The following QRFPR variants were observed in gnomAD, a reference collection of about 807,000 sequenced individuals.
The protein encoded by QRFPR is pyroglutamylated RFamide peptide receptor.
Under a neutral mutation model 31.3 loss-of-function variants are expected in QRFPR, and 37 were observed. The ratio of observed to expected loss-of-function variants is 1.18; its 90% confidence interval spans 0.91 to 1.56. QRFPR has a LOEUF of 1.56. Among genes scored for constraint, QRFPR ranks in the 40% most tolerant of loss-of-function variants. The probability of loss-of-function intolerance (pLI) is 0.00; values close to 1 mark genes in which losing one functional copy is unlikely to be tolerated. For missense variants in QRFPR, 542 were observed against 532.5 expected, an observed-to-expected ratio of 1.02 and a Z score of -0.18; for synonymous variants, 197 against 192.0, an observed-to-expected ratio of 1.03 and a Z score of -0.22.
At chr4:121,357,812 G>A (rs546882853) in intron 1 of QRFPR, among the ~76,000 whole-genome samples, 8 of 152,316 alleles carry the variant, frequency 5.3e-5, no homozygotes, top group Non-Finnish European at 1.0e-4. Flanking sequence ...TCACTTCAAG[G>A]TCTACGTTTC....
chr4:121,336,843 G>T lies in QRFPR; in HGVS notation c.525C>A (p.Ile175=), dbSNP rs149756981. The T allele has an allele frequency of 6.2e-7, 1 of 1,614,054 alleles. No individual in the cohort carries two copies. Among genetic ancestry groups the T allele is most frequent in the Non-Finnish European group, 8.5e-7 (1 of 1,179,912 alleles). Residue 175 remains isoleucine, a synonymous_variant, in exon 3 of 6, where the codon ATC becomes ATA. Transcript: ENST00000394427. ...GCACGTGCCACATGGGTGATCCTACGATGACTGCCACCAGCCAGACCACAC... is the reference window on the plus strand; with the variant it reads ...GCACGTGCCACATGGGTGATCCTACTATGACTGCCACCAGCCAGACCACAC... ...MLGVVWLVAV[I]VGSPMWHVQQ...
chr4:121,365,555 ATAAT>A (rs1726093252), intron 1 of QRFPR, among the ~76,000 whole-genome samples: 13 of 3,114 alleles, frequency 4.2e-3, no homozygotes, highest in African/African-American at 1.9e-3. Flanking sequence ...TATATAATAT[ATAAT>A]ATATATTATA....
chr4:121,332,806 T>C lies in QRFPR; in HGVS notation c.797+15A>G. The C allele has an allele frequency of 6.3e-7, 1 of 1,578,496 alleles. No homozygotes were observed. The highest frequency in any genetic ancestry group is 8.7e-7 in the Non-Finnish European group (1 of 1,148,362). On this transcript the variant is annotated intron_variant, in intron 4 of 5. Transcript: ENST00000394427. The stretch of plus-strand genomic sequence containing the variant: ...TAAAAATAATTTAAAGAGGTGAATA[T>C]TTCATTAAACAGACCTGGCTATTTT...
At chr4:121,339,488 T>C (rs116764655) in intron 2 of QRFPR, among the ~76,000 whole-genome samples, 1 of 152,164 alleles carries the variant, frequency 6.6e-6, no homozygotes, top group Non-Finnish European at 1.5e-5. Context: ...AGGAAAAGTA[T>C]GAAGTGGGTG....
chr4:121,344,841 A>C (rs553305332), intron 1 of QRFPR, among the ~76,000 whole-genome samples: 19 of 151,986 alleles, frequency 1.3e-4, no homozygotes, highest in African/African-American at 4.4e-4. Flanking sequence ...ATCTTTCCCA[A>C]TGTGAATTGT....
At chr4:121,360,164 G>C (rs1725962063) in intron 1 of QRFPR, among the ~76,000 whole-genome samples, 1 of 152,126 alleles carries the variant, frequency 6.6e-6, no homozygotes, top group African/African-American at 2.4e-5. Context: ...GAGCTATGTA[G>C]CCCTAGGCAG....
intron 1 of QRFPR, among the ~76,000 whole-genome samples, chr4:121,352,982 C>T (rs1368006041): frequency 6.6e-6 from 1 of 152,022 alleles, no homozygotes; most frequent in Non-Finnish European, 1.5e-5. Context: ...TCTTTCTGTG[C>T]CTGCCACATT....
Position 121,364,889 on chromosome 4 carries a change from C to T in QRFPR, c.340+15419G>A, listed in dbSNP as rs961395058. 1.9e-4 allele frequency among the ~76,000 whole-genome samples: 28 copies of T among 149,250 alleles called. 1 individual carries two copies. Among genetic ancestry groups the T allele is most frequent in the Non-Finnish European group, 3.9e-4 (26 of 67,390 alleles). ...ACCACCATAGCAGTAAAAAGCAATT[C>T]GATTTAATAAGCAGGTCTTTGTTTA... On this transcript the variant is annotated intron_variant, in intron 1 of 5. Coordinates refer to ENST00000394427, the MANE Select transcript of QRFPR (RefSeq NM_198179.3).
At chr4:121,356,170 G>A (rs528247915) in intron 1 of QRFPR, among the ~76,000 whole-genome samples, 1 of 152,242 alleles carries the variant, frequency 6.6e-6, no homozygotes, top group African/African-American at 2.4e-5. Flanking sequence ...GAAGTACCCA[G>A]CTATTACTGT....
At chr4:121,349,662 C>T (rs539789430) in intron 1 of QRFPR, among the ~76,000 whole-genome samples, 3 of 152,022 alleles carry the variant, frequency 2.0e-5, no homozygotes, top group South Asian at 2.1e-4. Flanking sequence ...CCCTCGTCAC[C>T]GATTTCCTAT....
chr4:121,330,451 A>C lies in QRFPR; in HGVS notation c.870T>G (p.His290Gln). 1 of 1,613,262 alleles carries C rather than the reference A, an allele frequency of 6.2e-7. No individual in the cohort carries two copies. The highest frequency in any genetic ancestry group is 8.5e-7 in the Non-Finnish European group (1 of 1,179,226). Residue 290 changes from histidine to glutamine, a missense_variant, in exon 5 of 6, where the codon CAT becomes CAG. His to Gln is a conservative substitution (Grantham distance 24). Transcript: ENST00000394427. Reference protein sequence around the residue: ...ALFAVCWAPFHVVHMMIEYSN... With the variant: ...ALFAVCWAPFQVVHMMIEYSN... ...TGTATTCAATCATCATATGGACAACATGGAATGGTGCCCAGCACACAGCAA... is the reference window on the plus strand; with the variant it reads ...TGTATTCAATCATCATATGGACAACCTGGAATGGTGCCCAGCACACAGCAA...
In QRFPR at chr4:121,361,481, A is replaced by G. The variant is rs143085924; in HGVS notation, c.340+18827T>C. 6.5e-4 allele frequency among the ~76,000 whole-genome samples: 97 copies of G among 150,300 alleles called. 5 individuals are homozygous for G. The highest frequency in any genetic ancestry group is 2.3e-3 in the African/African-American group (93 of 40,682). On this transcript the variant is annotated intron_variant, in intron 1 of 5. Coordinates refer to ENST00000394427, the MANE Select transcript of QRFPR (RefSeq NM_198179.3). ...AGTGGTGGCCTACCACTACTGGCCA[A>G]AATAATCTATCCCGTGTTCCTCAGA...
Position 121,336,897 on chromosome 4 carries a change from T to C in QRFPR, c.500-29A>G. On this transcript the variant is annotated intron_variant, in intron 2 of 5. Coordinates refer to ENST00000394427, the MANE Select transcript of QRFPR (RefSeq NM_198179.3). ...TAAAAGTGTTAAAGTCATGAGAGTA[T>C]GACTCAGTTGAGTAAAACACATCCA... The C allele has an allele frequency of 2.5e-6, 4 of 1,596,968 alleles. No homozygotes were observed. In the Middle Eastern group the frequency reaches 5.0e-4, roughly 199 times the overall value.
intron 1 of QRFPR, among the ~76,000 whole-genome samples, chr4:121,371,398 A>G (rs184995199): frequency 6.0e-4 from 91 of 152,354 alleles, no homozygotes; most frequent in African/African-American, 2.2e-3. Flanking sequence ...GGAACTGCCA[A>G]TATCAACTTC....
At chr4:121,332,088 G>A (rs1185568915) in intron 4 of QRFPR, among the ~76,000 whole-genome samples, 1 of 152,110 alleles carries the variant, frequency 6.6e-6, no homozygotes, top group Non-Finnish European at 1.5e-5. Context: ...TTCAAACTGA[G>A]CACTAGAGCA....
chr4:121,329,786 TG>T, intron 5 of QRFPR, 72 bp from the exon 6 acceptor site: 2 of 1,080,168 alleles, frequency 1.9e-6, no homozygotes, highest in Non-Finnish European at 2.6e-6. Context: ...GTTTGTCACC[TG>T]TCAAAGACTT....
At chr4:121,335,482 C>T (rs1279708796) in intron 3 of QRFPR, among the ~76,000 whole-genome samples, 2 of 149,094 alleles carry the variant, frequency 1.3e-5, no homozygotes, top group Admixed American at 6.9e-5. Context: ...ACTGTCACAC[C>T]TAGAGGGCAT....
intron 1 of QRFPR, among the ~76,000 whole-genome samples, chr4:121,352,008 G>A (rs1725769885): frequency 6.6e-6 from 1 of 151,862 alleles, no homozygotes; most frequent in African/African-American, 2.4e-5. Flanking sequence ...AACACTAAGA[G>A]GTTTCTATTT....
intron 1 of QRFPR, among the ~76,000 whole-genome samples, chr4:121,365,543 TATATA>T (rs1560743653): frequency 2.9e-4 from 1 of 3,454 alleles, no homozygotes; most frequent in African/African-American, 1.9e-3. Flanking sequence ...TAATATATAT[TATATA>T]TAATATATAA....
Sources: gnomAD v4.1 joint callset for allele counts (sites outside exome capture counted in the v4.1 genomes callset) on GRCh38, gnomAD v4.1.1 for gene constraint, MANE v1.5 for transcripts, NCBI Gene and HGNC (gene_info 2026-07-23, HGNC 2026-07-21) for gene names.